Variants in PDZD4 observed in about 807,000 individuals in gnomAD.
The protein encoded by PDZD4 is PDZ domain-containing protein 4.
PDZD4 carries 9 observed loss-of-function variants against 38.5 expected under a neutral mutation model. The observed-to-expected ratio is 0.23, with a 90% CI of 0.14 to 0.41. The LOEUF is 0.41. Among genes scored for constraint, PDZD4 ranks in the 10% least tolerant of loss-of-function variants. PDZD4 has a pLI of 1.00. For missense variants in PDZD4, 612 were observed against 722.0 expected, an observed-to-expected ratio of 0.85 and a Z score of 1.75; for synonymous variants, 349 against 315.7, an observed-to-expected ratio of 1.11 and a Z score of -1.12.
chrX:153,827,014 G>A (rs1170482226), intron 1 of PDZD4, among the ~76,000 whole-genome samples: 2 of 111,907 alleles, frequency 1.8e-5, no homozygotes, highest in African/African-American at 6.5e-5. Context: ...ACTTAGAATA[G>A]ACAAAACAGT....
At chrX:153,828,614 C>T (rs2064506764) in intron 1 of PDZD4, among the ~76,000 whole-genome samples, 1 of 112,646 alleles carries the variant, frequency 8.9e-6, no homozygotes, top group African/African-American at 3.2e-5. Flanking sequence ...CAAGGGCTAC[C>T]GGTGTCGTCC....
At chrX:153,824,955 A>C (rs1187268967) in intron 1 of PDZD4, among the ~76,000 whole-genome samples, 4 of 112,134 alleles carry the variant, frequency 3.6e-5, no homozygotes, top group Non-Finnish European at 5.6e-5. Flanking sequence ...CCCAGATCGT[A>C]CCATTGCACT....
At position 153,802,731 on chromosome X, in the gene PDZD4, CCCCAACTCCCTT is replaced by C. The variant is rs1557074967; in HGVS notation, c.*610_*621del. On this transcript the variant is annotated 3_prime_UTR_variant, in exon 8 of 8. Transcript: ENST00000393758. Reference sequence around the variant, plus strand: ...CCCAGCCCTCCCTCCCACTCTTCCTCCCCAACTCCCTTCCCAGCCATCAGTGGAGAGGGGAGT... The same window carrying C: ...CCCAGCCCTCCCTCCCACTCTTCCTCCCCAGCCATCAGTGGAGAGGGGAGT... 2 of 107,496 alleles carry C rather than the reference CCCCAACTCCCTT, an allele frequency of 1.9e-5. No homozygotes were observed. Among genetic ancestry groups the C allele is most frequent in the African/African-American group, 3.4e-5 (1 of 29,807 alleles). 8.9% of individuals were successfully genotyped at this position (107,496 alleles called of 1,213,427 possible). A position where few individuals can be genotyped will look rare whatever the true frequency, so the allele number is the denominator to read the frequency against.
At chrX:153,812,390 A>G (rs2064318042) in intron 1 of PDZD4, among the ~76,000 whole-genome samples, 1 of 108,910 alleles carries the variant, frequency 9.2e-6, no homozygotes, top group South Asian at 4.0e-4. Context: ...ATGACAGAGA[A>G]CGCACGAATG....
intron 1 of PDZD4, among the ~76,000 whole-genome samples, chrX:153,828,075 G>A (rs1394072768): frequency 9.0e-6 from 1 of 111,578 alleles, no homozygotes; most frequent in Non-Finnish European, 1.9e-5. Flanking sequence ...GTTACTCAGG[G>A]GGGACAGGGA....
intron 4 of PDZD4, 75 bp downstream of exon 4, chrX:153,806,667 C>T: frequency 1.0e-6 from 1 of 963,162 alleles, no homozygotes; most frequent in Non-Finnish European, 1.5e-6. Context: ...GTAGCTGGGA[C>T]CTTAAGGGCA....
At chrX:153,826,340 G>A (rs890961204) in intron 1 of PDZD4, among the ~76,000 whole-genome samples, 2 of 111,270 alleles carry the variant, frequency 1.8e-5, no homozygotes, top group Non-Finnish European at 3.8e-5. Flanking sequence ...TAATCCTGAG[G>A]AATCTACTAA....
At chrX:153,813,312 C>T (rs1216707164) in intron 1 of PDZD4, among the ~76,000 whole-genome samples, 3 of 111,618 alleles carry the variant, frequency 2.7e-5, no homozygotes, top group Non-Finnish European at 3.8e-5. Context: ...AAAACACAGA[C>T]ACAAACAACT....
intron 1 of PDZD4, among the ~76,000 whole-genome samples, chrX:153,823,865 G>C (rs1402805103): frequency 8.9e-6 from 1 of 112,727 alleles, no homozygotes; most frequent in Non-Finnish European, 1.9e-5. Flanking sequence ...CTGTCAGTTG[G>C]TGGCTGCCTC....
intron 1 of PDZD4, among the ~76,000 whole-genome samples, chrX:153,814,473 A>ACCCCCCCCCCCCCCCCCCCCCCCC (rs782572040): frequency 2.5e-5 from 1 of 40,363 alleles, no homozygotes; most frequent in Non-Finnish European, 4.4e-5. Flanking sequence ...GACTCCATCC[A>ACCCCCCCCCCCCCCCCCCCCCCCC]CCCCCCACCC....
In PDZD4 at chrX:153,808,398, C is replaced by T. The variant is rs782620959; in HGVS notation, c.258G>A (p.Lys86=). The T allele has an allele frequency of 5.0e-6, 6 of 1,210,115 alleles. No individual in the cohort carries two copies. In the East Asian group the frequency reaches 1.5e-4, roughly 30 times the overall value. ...ITFEHIMALG[K]LRPPTPPMVI... ...CCATGGGCGGGGTGGGCGGACGCAG[C>T]TTGCCCAGCGCCATGATATGCTCGA... Residue 86 remains lysine, a synonymous_variant, in exon 2 of 8, where the codon AAG becomes AAA. Transcript: ENST00000393758.
chrX:153,812,543 G>C (rs937986911), intron 1 of PDZD4, among the ~76,000 whole-genome samples: 1 of 111,201 alleles, frequency 9.0e-6, no homozygotes, highest in Non-Finnish European at 1.9e-5. Context: ...GCAGCAACCA[G>C]AGTGATCGCC....
At chrX:153,809,943 G>T (rs2064292750) in intron 1 of PDZD4, among the ~76,000 whole-genome samples, 1 of 113,050 alleles carries the variant, frequency 8.8e-6, no homozygotes, top group Non-Finnish European at 1.9e-5. Flanking sequence ...AGCGCAGGTG[G>T]TGGGGCAAGC....
chrX:153,804,755 G>A lies in PDZD4; in HGVS notation c.926C>T (p.Pro309Leu), dbSNP rs2092204257. 2 of 1,209,699 alleles carry A rather than the reference G, an allele frequency of 1.7e-6. No homozygotes were observed. Among genetic ancestry groups the A allele is most frequent in the Non-Finnish European group, 2.2e-6 (2 of 895,284 alleles). ...GCTTCCCGGGGTGTTGGTGGAGCTC[G>A]GGGGTTCGTCCCCCAGCAGGTCGTG... ...SEHDLLGDEP[P>L]SSTNTPGSLR... Residue 309 changes from proline to leucine, a missense_variant, in exon 8 of 8, where the codon CCG (proline) becomes CTG (leucine). Coordinates refer to ENST00000393758, the MANE Select transcript of PDZD4 (RefSeq NM_001303512.2).
In PDZD4 at chrX:153,803,674, G is replaced by A. The variant is rs1557075407; in HGVS notation, c.2007C>T (p.Asp669=). The change falls in exon 8 of 8, where the codon GAC becomes GAT. Residue 669 remains aspartate, a synonymous_variant. Transcript: ENST00000393758. ...IREERSGMTT[D]DDAVSEMKMG... ...TCTTCATCTCGCTCACCGCGTCGTC[G>A]TCGGTCGTCATACCGCTGCGCTCCT... The A allele has an allele frequency of 8.3e-7, 1 of 1,210,304 alleles. No individual in the cohort carries two copies. Among genetic ancestry groups the A allele is most frequent in the Non-Finnish European group, 1.1e-6 (1 of 895,563 alleles).
chrX:153,803,651 T>A lies in PDZD4; in HGVS notation c.2030A>T (p.Lys677Met). ...TTDDDAVSEM[K>M]MGRYWSKEER... is the part of the protein sequence containing the mutation. ...CTCCTTGCTCCAGTAGCGGCCCATC[T>A]TCATCTCGCTCACCGCGTCGTCGTC... is the stretch of plus-strand genomic sequence containing the variant. Residue 677 changes from lysine to methionine, a missense_variant, in exon 8 of 8, where the codon AAG (lysine) becomes ATG (methionine). Around this residue, in one of 3 missense-constraint regions of PDZD4, gnomAD observed 87 missense variants for 126.3 expected, o/e 0.69. Coordinates refer to ENST00000393758, the MANE Select transcript of PDZD4 (RefSeq NM_001303512.2). 1 of 1,210,545 alleles carries A rather than the reference T, an allele frequency of 8.3e-7. No homozygotes were observed. The highest frequency in any genetic ancestry group is 1.1e-6 in the Non-Finnish European group (1 of 895,566).
At chrX:153,822,122 G>A (rs1217037590) in intron 1 of PDZD4, among the ~76,000 whole-genome samples, 2 of 103,799 alleles carry the variant, frequency 1.9e-5, no homozygotes, top group Non-Finnish European at 3.9e-5. Flanking sequence ...AGGAGGCGGA[G>A]GCTGCAATGA....
At chrX:153,821,944 T>C (rs1221656105) in intron 1 of PDZD4, among the ~76,000 whole-genome samples, 1 of 110,052 alleles carries the variant, frequency 9.1e-6, no homozygotes, top group Non-Finnish European at 1.9e-5. Flanking sequence ...AATCCCAGCA[T>C]TTTGGGAGGC....
At chrX:153,819,044 AG>A (rs1239297907) in intron 1 of PDZD4, among the ~76,000 whole-genome samples, 27 of 112,635 alleles carry the variant, frequency 2.4e-4, no homozygotes, top group Admixed American at 9.2e-5. Context: ...CTAGGCGGAG[AG>A]GGCGGAGCCC....
Sources: gnomAD v4.1 joint callset for allele counts (sites outside exome capture counted in the v4.1 genomes callset) on GRCh38, gnomAD v4.1.1 for gene constraint, gnomAD v4.1.1 regional missense constraint, MANE v1.5 for transcripts, NCBI Gene and HGNC (gene_info 2026-07-23, HGNC 2026-07-21) for gene names.